Variants in TMCO4 observed in about 807,000 individuals in gnomAD.
TMCO4 encodes the protein transmembrane and coiled-coil domains 4, also known as transmembrane and coiled-coil domain-containing protein 4.
TMCO4 carries 58 observed loss-of-function variants against 64.7 expected under a neutral mutation model. The observed-to-expected ratio is 0.90, with a 90% CI of 0.73 to 1.12. The LOEUF (loss-of-function observed/expected upper bound fraction) is 1.12, where lower values mean the gene tolerates loss of function less well. Ranked by LOEUF, TMCO4 falls within the 50% of genes most tolerant of loss-of-function variation. TMCO4 has a pLI of 0.00. For missense variants in TMCO4, 780 were observed against 825.9 expected, an observed-to-expected ratio of 0.94 and a Z score of 0.68; for synonymous variants, 325 against 346.1, an observed-to-expected ratio of 0.94 and a Z score of 0.68.
chr1:19,797,898 G>T (rs1376853864), intron 2 of TMCO4, among the ~76,000 whole-genome samples: 1 of 134,644 alleles, frequency 7.4e-6, no homozygotes, highest in Admixed American at 7.6e-5. Flanking sequence ...AAGAGAGAGA[G>T]AGAGGGAGGG....
At chr1:19,724,756 TTTTG>T (rs2095401353) in intron 13 of TMCO4, among the ~76,000 whole-genome samples, 1 of 152,092 alleles carries the variant, frequency 6.6e-6, no homozygotes, top group South Asian at 2.1e-4. Context: ...GTGCTCCTTC[TTTTG>T]TTTTTCTTTT....
chr1:19,771,480 G>A lies in TMCO4; in HGVS notation c.182C>T (p.Ser61Phe). The part of the protein sequence containing the change: ...SQLFPEPEHS[S>F]FCTEFMAGLV... Reference sequence around the variant, plus strand: ...GCCTGCCATGAACTCTGTGCAGAAGGAGCTGAAAGGCAGACATGGCTTAGT... The same window carrying A: ...GCCTGCCATGAACTCTGTGCAGAAGAAGCTGAAAGGCAGACATGGCTTAGT... Residue 61 changes from serine to phenylalanine, a missense_variant and splice_region_variant, in exon 5 of 16, where the codon TCC (serine) becomes TTC (phenylalanine). Ser to Phe is a radical substitution (Grantham distance 155). Coordinates refer to ENST00000294543, the MANE Select transcript of TMCO4 (RefSeq NM_181719.7). 5 of 1,613,560 alleles carry A rather than the reference G, an allele frequency of 3.1e-6. No homozygotes were observed. The highest frequency in any genetic ancestry group is 4.2e-6 in the Non-Finnish European group (5 of 1,179,836).
chr1:19,754,694 T>C (rs780445777), intron 7 of TMCO4, among the ~76,000 whole-genome samples: 6 of 152,184 alleles, frequency 3.9e-5, no homozygotes, highest in Non-Finnish European at 8.8e-5. Context: ...TGCAAAGAGC[T>C]GAGCACCGGC....
At chr1:19,768,657 G>A (rs1198144943) in intron 6 of TMCO4, among the ~76,000 whole-genome samples, 1 of 152,154 alleles carries the variant, frequency 6.6e-6, no homozygotes, top group Non-Finnish European at 1.5e-5. Flanking sequence ...AGGCTGGCCT[G>A]GTCACCCGTG....
chr1:19,790,534 T>G (rs1184485831), intron 2 of TMCO4, among the ~76,000 whole-genome samples: 1 of 151,992 alleles, frequency 6.6e-6, no homozygotes, highest in African/African-American at 2.4e-5. Flanking sequence ...ATATTCATGT[T>G]GCCAAGAAAC....
intron 15 of TMCO4, among the ~76,000 whole-genome samples, chr1:19,693,410 G>A (rs2100566984): frequency 6.6e-6 from 1 of 152,214 alleles, no homozygotes; most frequent in Admixed American, 6.5e-5. Context: ...TTGAACTGGG[G>A]AGGTGGAGGT....
At chr1:19,795,193 G>T (rs373736740) in intron 2 of TMCO4, among the ~76,000 whole-genome samples, 1 of 151,880 alleles carries the variant, frequency 6.6e-6, no homozygotes, top group Non-Finnish European at 1.5e-5. Flanking sequence ...AATAGGGGCC[G>T]GACACAGTGG....
At chr1:19,783,124 A>C (rs776850439) in intron 3 of TMCO4, among the ~76,000 whole-genome samples, 2 of 152,242 alleles carry the variant, frequency 1.3e-5, no homozygotes, top group Non-Finnish European at 2.9e-5. Flanking sequence ...TTTAATAATA[A>C]CAAGACCTAA....
intron 6 of TMCO4, among the ~76,000 whole-genome samples, chr1:19,766,851 C>T (rs1419605900): frequency 2.0e-5 from 3 of 151,990 alleles, no homozygotes; most frequent in Admixed American, 6.6e-5. Flanking sequence ...ACCACTTCCC[C>T]CTCTAGGCCT....
At chr1:19,780,231 C>A (rs1322691507) in intron 4 of TMCO4, among the ~76,000 whole-genome samples, 3 of 152,226 alleles carry the variant, frequency 2.0e-5, no homozygotes, top group Admixed American at 2.0e-4. Context: ...ACTTAGATTT[C>A]TTCATCTACA....
intron 3 of TMCO4, among the ~76,000 whole-genome samples, chr1:19,781,167 A>T (rs2043455906): frequency 6.6e-6 from 1 of 150,456 alleles, no homozygotes; most frequent in Non-Finnish European, 1.5e-5. Flanking sequence ...AAAAAAAAAA[A>T]GATATTCCTC....
At chr1:19,715,687 C>T (rs796349378) in intron 13 of TMCO4, among the ~76,000 whole-genome samples, 57 of 152,346 alleles carry the variant, frequency 3.7e-4, no homozygotes, top group African/African-American at 1.4e-3. Flanking sequence ...CCTCTGGACA[C>T]GCCCCCTGGG....
intron 13 of TMCO4, among the ~76,000 whole-genome samples, chr1:19,727,397 C>T (rs1459446746): frequency 6.6e-6 from 1 of 152,178 alleles, no homozygotes; most frequent in African/African-American, 2.4e-5. Flanking sequence ...GATCCCCACA[C>T]CACTCTGCAA....
intron 14 of TMCO4, among the ~76,000 whole-genome samples, chr1:19,696,572 T>A (rs1307593743): frequency 3.5e-5 from 5 of 143,188 alleles, no homozygotes; most frequent in South Asian, 2.2e-4. Flanking sequence ...AACAAAAAAC[T>A]AAAATAAAAA....
intron 2 of TMCO4, among the ~76,000 whole-genome samples, chr1:19,790,083 C>T (rs1044358271): frequency 2.0e-5 from 3 of 151,322 alleles, no homozygotes; most frequent in African/African-American, 7.3e-5. Flanking sequence ...AAGAGATTCC[C>T]TATTTAGTAA....
intron 5 of TMCO4, 92 bp from the exon 6 acceptor site, chr1:19,770,661 A>G: frequency 7.5e-7 from 1 of 1,330,060 alleles, no homozygotes; most frequent in Non-Finnish European, 1.0e-6. Flanking sequence ...AAGTGGCAGA[A>G]CAAGACAGAC....
chr1:19,716,045 A>T (rs1017349507), intron 13 of TMCO4, among the ~76,000 whole-genome samples: 3 of 152,144 alleles, frequency 2.0e-5, no homozygotes, highest in African/African-American at 7.2e-5. Context: ...GGCCGGGTGC[A>T]CTGGATCATA....
chr1:19,735,934 A>C (rs1393345987), intron 13 of TMCO4, among the ~76,000 whole-genome samples: 5 of 152,120 alleles, frequency 3.3e-5, no homozygotes, highest in African/African-American at 1.2e-4. Flanking sequence ...GGAAAAGTAG[A>C]TTTGGAGAGC....
chr1:19,778,756 A>G (rs1395308307), intron 4 of TMCO4, among the ~76,000 whole-genome samples: 3 of 152,214 alleles, frequency 2.0e-5, no homozygotes, highest in Non-Finnish European at 4.4e-5. Context: ...TTGTTGACAA[A>G]GCCAGCATTA....
Sources: allele counts gnomAD v4.1 joint callset (sites outside exome capture counted in the v4.1 genomes callset), GRCh38; gene constraint gnomAD v4.1.1; transcripts MANE v1.5; gene names NCBI Gene and HGNC (gene_info 2026-07-23, HGNC 2026-07-21).